The following CDT1 variants were observed in gnomAD, a reference collection of about 807,000 sequenced individuals.
The protein encoded by CDT1 is DNA replication factor Cdt1.
Under a neutral mutation model 49.3 loss-of-function variants are expected in CDT1, and 66 were observed. That is an observed-to-expected ratio of 1.34 (90% CI 1.10 to 1.64). CDT1 has a LOEUF of 1.64. Ranked by LOEUF, CDT1 falls within the 40% of genes most tolerant of loss-of-function variation. The pLI is 0.00. For missense variants in CDT1, 958 were observed against 807.7 expected (o/e 1.19, Z -2.26); for synonymous variants, 424 against 347.4 (o/e 1.22, Z -2.45).
rs1472096175 is a variant in CDT1 at position 88,805,649 on chromosome 16, G to A, written c.686+12G>A. 6.2e-7 allele frequency: 1 copy of A among 1,612,516 alleles called. No homozygotes were observed. The highest frequency in any genetic ancestry group is 1.1e-5 in the South Asian group (1 of 91,080). ...GACATGATGCGTAGGTGAGTGGCCG[G>A]GGGTGGGCTGTGGCTGTCCTGGAGT... On this transcript the variant is annotated intron_variant, in intron 4 of 9. Coordinates refer to ENST00000301019, the MANE Select transcript of CDT1 (RefSeq NM_030928.4).
In CDT1 at chr16:88,808,214, C is replaced by T; in HGVS notation, c.1577C>T (p.Ala526Val). The T allele has an allele frequency of 6.2e-7, 1 of 1,611,242 alleles. No homozygotes were observed. The highest frequency in any genetic ancestry group is 1.1e-5 in the South Asian group (1 of 90,694). Residue 526 changes from alanine (A) to valine (V), a missense_variant, in exon 10 of 10, where the codon GCC (alanine) becomes GTC (valine). Physicochemically the swap from Ala to Val is moderately conservative, Grantham distance 64. Transcript: ENST00000301019. ...RTDTYVKLDKAADLAHITARL... is the reference protein window; with the variant it reads ...RTDTYVKLDKVADLAHITARL... ...GACACCTACGTCAAGCTGGACAAGG[C>T]CGCGGACCTCGCCCACATCACTGCA...
At chr16:88,804,189 G>A in intron 1 of CDT1, 130 bp downstream of exon 1, 2 of 709,582 alleles carry the variant, frequency 2.8e-6, no homozygotes, top group Non-Finnish European at 4.1e-6. Context: ...GGGGCGCAGG[G>A]AACTCTGGGA....
chr16:88,804,428 C>A, intron 1 of CDT1, 117 bp from the exon 2 acceptor site: 1 of 1,337,414 alleles, frequency 7.5e-7, no homozygotes, highest in Non-Finnish European at 1.0e-6. Context: ...AGTCCTAAGC[C>A]CCCCAGCCAT....
rs980987094 is a variant in CDT1 at position 88,808,411 on chromosome 16, G to A, written c.*133G>A. The A allele has an allele frequency of 6.4e-6, 7 of 1,093,622 alleles. No individual in the cohort carries two copies. Among genetic ancestry groups the A allele is most frequent in the Admixed American group, 4.5e-5 (2 of 44,292 alleles). 67.7% of individuals were successfully genotyped at this position (1,093,622 alleles called of 1,614,324 possible). A position where few individuals can be genotyped will look rare whatever the true frequency, so the allele number is the denominator to read the frequency against. Reference sequence around the variant, plus strand: ...GCCCCTGAGGGCCAGAGGCAGATGTGGGCTGCAGGCTGCACAGCCCGAGGG... The same window carrying A: ...GCCCCTGAGGGCCAGAGGCAGATGTAGGCTGCAGGCTGCACAGCCCGAGGG... On this transcript the variant is annotated 3_prime_UTR_variant, in exon 10 of 10. Coordinates refer to ENST00000301019, the MANE Select transcript of CDT1 (RefSeq NM_030928.4).
chr16:88,808,531 G>A lies in CDT1; in HGVS notation c.*253G>A. On this transcript the variant is annotated 3_prime_UTR_variant, in exon 10 of 10. Transcript: ENST00000301019. ...GGGCACCTCTGTCCTTGCTGCTGGT[G>A]GGGAAGGGAAGCCAGATCCAGCACC... The A allele has an allele frequency of 3.6e-6, 2 of 550,550 alleles. No individual in the cohort carries two copies. The highest frequency in any genetic ancestry group is 4.5e-5 in the South Asian group (2 of 44,142). 34.1% of individuals were successfully genotyped at this position (550,550 alleles called of 1,614,324 possible).
At chr16:88,804,195 T>G in intron 1 of CDT1, 136 bp downstream of exon 1, 1 of 668,774 alleles carries the variant, frequency 1.5e-6, no homozygotes, top group Non-Finnish European at 2.2e-6. Context: ...CAGGGAACTC[T>G]GGGACAGGCC....
At position 88,806,140 on chromosome 16, in the gene CDT1, C is replaced by T. The variant is rs747863747; in HGVS notation, c.933+19C>T. The T allele has an allele frequency of 6.4e-6, 10 of 1,567,598 alleles. No homozygotes were observed. Among genetic ancestry groups the T allele is most frequent in the East Asian group, 2.3e-5 (1 of 43,448 alleles). Reference sequence around the variant, plus strand: ...CCACAAGGTGAGCGGCCCCCGGCCCCGCTGTGTGAAGATGGTGGCACCAGC... The same window carrying T: ...CCACAAGGTGAGCGGCCCCCGGCCCTGCTGTGTGAAGATGGTGGCACCAGC... On this transcript the variant is annotated intron_variant, in intron 6 of 9. Transcript: ENST00000301019.
chr16:88,806,066 A>G lies in CDT1; in HGVS notation c.878A>G (p.Gln293Arg), dbSNP rs537487304. The change falls in exon 6 of 10, where the codon CAG becomes CGG. Residue 293 changes from glutamine (Q) to arginine (R), a missense_variant. Coordinates refer to ENST00000301019, the MANE Select transcript of CDT1 (RefSeq NM_030928.4). ...APQLTASRLL[Q>R]RRQIFSQKLV... is the part of the protein sequence containing the mutation. Reference sequence around the variant, plus strand: ...CAGCTCACGGCCTCGCGCCTCCTGCAGCGACGGCAGATCTTCAGCCAGAAG... The same window carrying G: ...CAGCTCACGGCCTCGCGCCTCCTGCGGCGACGGCAGATCTTCAGCCAGAAG... The G allele has an allele frequency of 3.7e-5, 59 of 1,601,384 alleles. No homozygotes were observed. The South Asian group carries it at 5.2e-4, about 14-fold the overall frequency.
chr16:88,803,886 C>T lies in CDT1; in HGVS notation c.55C>T (p.Arg19Cys), dbSNP rs992119597. 2.1e-6 allele frequency: 3 copies of T among 1,460,658 alleles called. No homozygotes were observed. The highest frequency in any genetic ancestry group is 1.2e-5 in the South Asian group (1 of 81,072). The allele number at this position is 1,460,658 out of a possible 1,614,324, so 90.5% of individuals were successfully genotyped here. Residue 19 changes from arginine (R) to cysteine (C), a missense_variant, in exon 1 of 10, where the codon CGC becomes TGC. Arg to Cys is a radical substitution (Grantham distance 180). Coordinates refer to ENST00000301019, the MANE Select transcript of CDT1 (RefSeq NM_030928.4). Reference sequence around the variant, plus strand: ...CGCGCGCCGCCGCCCCGGGCCCCCCCGCATCGCGCCGCCCAAGCTGGCCTG... The same window carrying T: ...CGCGCGCCGCCGCCCCGGGCCCCCCTGCATCGCGCCGCCCAAGCTGGCCTG... Reference protein sequence around the residue: ...FFARRRPGPPRIAPPKLACRT... With the variant: ...FFARRRPGPPCIAPPKLACRT...
intron 3 of CDT1, among the ~76,000 whole-genome samples, 187 bp from the exon 4 acceptor site, chr16:88,805,253 G>A (rs1908805744): frequency 6.6e-6 from 1 of 152,210 alleles, no homozygotes; most frequent in South Asian, 2.1e-4. Flanking sequence ...GGGGTGTGGA[G>A]CCGGGCTTTC....
At chr16:88,805,134 G>T (rs775442644) in intron 3 of CDT1, among the ~76,000 whole-genome samples, 1 of 152,240 alleles carries the variant, frequency 6.6e-6, no homozygotes, top group Non-Finnish European at 1.5e-5. Context: ...GGTTTCAAAT[G>T]CTCCTGATGC....
Position 88,804,653 on chromosome 16 carries a change from T to C in CDT1, c.337T>C (p.Ser113Pro). Residue 113 changes from serine (S) to proline (P), a missense_variant, in exon 2 of 10, where the codon TCC becomes CCC. Ser to Pro is a moderately conservative substitution (Grantham distance 74). Coordinates refer to ENST00000301019, the MANE Select transcript of CDT1 (RefSeq NM_030928.4). ...AGCAGGTCAGCCGCCCCACCTGACA[T>C]CCGCGCAGGACCAGGTGAGGGGCGG... ...PAAGQPPHLT[S>P]AQDQDTISEL... The C allele has an allele frequency of 6.2e-7, 1 of 1,612,498 alleles. No individual in the cohort carries two copies. Among genetic ancestry groups the C allele is most frequent in the South Asian group, 1.1e-5 (1 of 91,060 alleles).
In CDT1 at chr16:88,805,154, T is replaced by C. The variant is rs969711281; in HGVS notation, c.488+256T>C. Among the ~76,000 whole-genome samples, 5 of 152,234 alleles carry C rather than the reference T, an allele frequency of 3.3e-5. No individual in the cohort carries two copies. In the East Asian group the frequency reaches 9.6e-4, roughly 29 times the overall value. On this transcript the variant is annotated intron_variant, in intron 3 of 9. Coordinates refer to ENST00000301019, the MANE Select transcript of CDT1 (RefSeq NM_030928.4). ...CAAATGCTCCTGATGCATTGGTGTG[T>C]TGTCTGCCTCTGCCCCTGAGAGCTG... is the stretch of plus-strand genomic sequence containing the variant.
At chr16:88,805,323 G>C in intron 3 of CDT1, 117 bp from the exon 4 acceptor site, 2 of 1,266,764 alleles carry the variant, frequency 1.6e-6, no homozygotes, top group Non-Finnish European at 1.1e-6. Context: ...GGCCGCGAAA[G>C]CCATCGTGTG....
intron 3 of CDT1, 111 bp from the exon 4 acceptor site, chr16:88,805,329 G>A (rs1164255711): frequency 6.9e-6 from 9 of 1,307,774 alleles, no homozygotes; most frequent in South Asian, 3.6e-5. Context: ...GAAAGCCATC[G>A]TGTGTGGCAT....
rs774961045 is a variant in CDT1, at chr16:88,805,850, C to T, written c.813C>T (p.Ile271=). Residue 271 remains isoleucine, a synonymous_variant, in exon 5 of 10, where the codon ATC becomes ATT. Transcript: ENST00000301019. ...GGAGGTCAGATTACCAGCTCACCATCGAGCCACTGCTGGAGCAGGGTGAGT... is the reference window on the plus strand; with the variant it reads ...GGAGGTCAGATTACCAGCTCACCATTGAGCCACTGCTGGAGCAGGGTGAGT... ...GTRRSDYQLT[I]EPLLEQEADG... 59 of 1,612,548 alleles carry T rather than the reference C, an allele frequency of 3.7e-5. No homozygotes were observed. Among genetic ancestry groups the T allele is most frequent in the South Asian group, 5.5e-5 (5 of 91,042 alleles).
intron 1 of CDT1, 100 bp downstream of exon 1, chr16:88,804,159 G>A (rs1908756462): frequency 2.6e-6 from 2 of 761,360 alleles, no homozygotes; most frequent in Non-Finnish European, 1.8e-6. Flanking sequence ...GACGGGGGCG[G>A]GGAAACAGGC....
rs770232566 is a variant in CDT1, at chr16:88,807,162, C to A, written c.1234C>A (p.Pro412Thr). 26 of 1,612,544 alleles carry A rather than the reference C, an allele frequency of 1.6e-5. No homozygotes were observed. In the South Asian group the frequency reaches 2.7e-4, roughly 17 times the overall value. ...TPPATPPAASPSALKGVSQDL... is the reference protein window; with the variant it reads ...TPPATPPAASTSALKGVSQDL... ...ACCAGCCACCCCGCCTGCAGCCTCT[C>A]CCAGTGCTCTGAAGGGGGTGTCCCA... is the stretch of plus-strand genomic sequence containing the variant. Residue 412 changes from proline (P) to threonine (T), a missense_variant, in exon 8 of 10, where the codon CCC becomes ACC. By Grantham distance (38) the Pro-to-Thr change is conservative. Transcript: ENST00000301019.
At chr16:88,804,221 C>T (rs1174997315) in intron 1 of CDT1, among the ~76,000 whole-genome samples, 162 bp downstream of exon 1, 1 of 151,940 alleles carries the variant, frequency 6.6e-6, no homozygotes, top group Non-Finnish European at 1.5e-5. Context: ...ATCCTGGGGG[C>T]GCCCTGCCAC....
Sources: allele counts gnomAD v4.1 joint callset (sites outside exome capture counted in the v4.1 genomes callset), GRCh38; gene constraint gnomAD v4.1.1; transcripts MANE v1.5; gene names NCBI Gene and HGNC (gene_info 2026-07-23, HGNC 2026-07-21).